The following POLR2M variants were observed in gnomAD, a reference collection of about 807,000 sequenced individuals.
The protein encoded by POLR2M is RNA polymerase II subunit M.
In POLR2M, 30 loss-of-function variants were observed where a neutral mutation model predicts 34.6. The ratio of observed to expected loss-of-function variants is 0.87; its 90% confidence interval spans 0.65 to 1.18. POLR2M has a LOEUF of 1.18. POLR2M is among the 50% of genes most tolerant of loss of function. The pLI is 0.00. For synonymous variants in POLR2M, 150 were observed against 166.7 expected (o/e 0.90, Z 0.77); for missense variants, 432 against 448.7 (o/e 0.96, Z 0.34).
intron 1 of POLR2M, among the ~76,000 whole-genome samples, chr15:57,708,338 AAGT>A (rs2040574718): frequency 6.6e-6 from 1 of 152,180 alleles, no homozygotes; most frequent in Non-Finnish European, 1.5e-5. Flanking sequence ...ATTATTATGA[AAGT>A]AGTTTTGACC....
chr15:57,709,149 T>C lies in POLR2M; in HGVS notation c.549T>C (p.Asp183=). The C allele has an allele frequency of 6.2e-7, 1 of 1,614,206 alleles. No homozygotes were observed. Among genetic ancestry groups the C allele is most frequent in the South Asian group, 1.1e-5 (1 of 91,086 alleles). Residue 183 remains aspartate (D), a synonymous_variant, in exon 2 of 4, where the codon GAT becomes GAC. Transcript: ENST00000299638. The part of the protein sequence containing the change: ...PRHRVSSQAE[D]TSSSFDNLFI... ...ATCGTGTTTCAAGTCAAGCGGAAGA[T>C]ACTTCCAGCAGCTTTGACAACCTGT...
chr15:57,713,820 C>CCTTTTT (rs2040833536), intron 3 of POLR2M, among the ~76,000 whole-genome samples: 2 of 65,568 alleles, frequency 3.1e-5, no homozygotes, highest in African/African-American at 1.2e-4. Context: ...ATTAGTCCTT[C>CCTTTTT]TTTTTTTTTT....
chr15:57,707,817 A>G (rs980658574), intron 1 of POLR2M, among the ~76,000 whole-genome samples: 2 of 152,248 alleles, frequency 1.3e-5, no homozygotes, highest in Non-Finnish European at 2.9e-5. Context: ...ATGAGGCTCA[A>G]GAAAGAGAGA....
rs1462024448 is a variant in POLR2M at position 57,715,030 on chromosome 15, C to T, written c.*351C>T. The T allele has an allele frequency of 5.1e-6, 1 of 197,402 alleles. No homozygotes were observed. Among genetic ancestry groups the T allele is most frequent in the Non-Finnish European group, 1.0e-5 (1 of 98,444 alleles). 12.2% of individuals were successfully genotyped at this position (197,402 alleles called of 1,614,324 possible). ...CTTACCTATCAAATAGCATTTATTACATGTCTTTCAGTGAAATACTTAGTT... is the reference window on the plus strand; with the variant it reads ...CTTACCTATCAAATAGCATTTATTATATGTCTTTCAGTGAAATACTTAGTT... On this transcript the variant is annotated 3_prime_UTR_variant, in exon 4 of 4. Transcript: ENST00000299638.
At chr15:57,707,321 C>G in intron 1 of POLR2M, 1 of 732,050 alleles carries the variant, frequency 1.4e-6, no homozygotes, top group Non-Finnish European at 2.3e-6. Flanking sequence ...TCTCTGGATT[C>G]TAAGCTTACA....
chr15:57,709,051 A>T lies in POLR2M; in HGVS notation c.451A>T (p.Asn151Tyr). Residue 151 changes from asparagine to tyrosine, a missense_variant, in exon 2 of 4, where the codon AAT (asparagine) becomes TAT (tyrosine). By Grantham distance (143) the Asn-to-Tyr change is moderately radical (BLOSUM62 -2). Transcript: ENST00000299638. ...GACTTCAGAGGTTGAGTACACAGTGAATAAGGGCCCAGCTTCCAGCAATAG... is the reference window on the plus strand; with the variant it reads ...GACTTCAGAGGTTGAGTACACAGTGTATAAGGGCCCAGCTTCCAGCAATAG... Reference protein sequence around the residue: ...EETSEVEYTVNKGPASSNRDR... With the variant: ...EETSEVEYTVYKGPASSNRDR... 2 of 1,614,108 alleles carry T rather than the reference A, an allele frequency of 1.2e-6. No individual in the cohort carries two copies. Among genetic ancestry groups the T allele is most frequent in the East Asian group, 4.5e-5 (2 of 44,886 alleles).
Position 57,709,281 on chromosome 15 carries a change from G to T in POLR2M, c.681G>T (p.Lys227Asn). The change falls in exon 2 of 4, where the codon AAG (lysine) becomes AAT (asparagine). Residue 227 changes from lysine (K) to asparagine (N), a missense_variant. Transcript: ENST00000299638. ...NLTGLSSGTE[K>N]KPHYMEVLEM... ...CAGGCCTTTCCAGTGGGACTGAGAA[G>T]AAACCTCATTACATGGAAGTGCTAG... is the stretch of plus-strand genomic sequence containing the variant. The T allele has an allele frequency of 6.2e-7, 1 of 1,614,228 alleles. No homozygotes were observed. The highest frequency in any genetic ancestry group is 8.5e-7 in the Non-Finnish European group (1 of 1,180,042).
Position 57,706,893 on chromosome 15 carries a change from G to T in POLR2M, c.51G>T (p.Ala17=), listed in dbSNP as rs757080201. The change falls in exon 1 of 4, where the codon GCG becomes GCT. Residue 17 remains alanine (A), a synonymous_variant. Coordinates refer to ENST00000299638, the MANE Select transcript of POLR2M (RefSeq NM_015532.5). ...AGCCCCAAGCTCCCGAGGACTTGGC[G>T]CAGCGGAGTTTGGTGGAGCTGCGGG... ...GFEPQAPEDL[A]QRSLVELREM... is the part of the protein sequence containing the mutation. 7 of 1,600,044 alleles carry T rather than the reference G, an allele frequency of 4.4e-6. No individual in the cohort carries two copies. The Admixed American group carries it at 1.0e-4, about 23-fold the overall frequency.
intron 2 of POLR2M, among the ~76,000 whole-genome samples, chr15:57,711,538 G>A (rs559054004): frequency 6.6e-6 from 1 of 152,290 alleles, no homozygotes; most frequent in East Asian, 1.9e-4. Flanking sequence ...TGGGTAAGCA[G>A]TTATTATTCC....
In POLR2M at chr15:57,714,746, A is replaced by G; in HGVS notation, c.*67A>G. On this transcript the variant is annotated 3_prime_UTR_variant, in exon 4 of 4. Transcript: ENST00000299638. ...TACATCAGACTTTCTAACTAGTATC[A>G]AGATCAGTGTCAGATATTGTTGAGG... The G allele has an allele frequency of 6.4e-7, 1 of 1,572,822 alleles. No individual in the cohort carries two copies. The highest frequency in any genetic ancestry group is 8.6e-7 in the Non-Finnish European group (1 of 1,158,912).
rs1192614782 is a variant in POLR2M at position 57,708,814 on chromosome 15, A to G, written c.214A>G (p.Ser72Gly). Residue 72 changes from serine to glycine, a missense_variant, in exon 2 of 4, where the codon AGT (serine) becomes GGT (glycine). Coordinates refer to ENST00000299638, the MANE Select transcript of POLR2M (RefSeq NM_015532.5). Reference protein sequence around the residue: ...IAECEEVRRKSELFNPVSLDC... With the variant: ...IAECEEVRRKGELFNPVSLDC... ...AGAATGTGAAGAAGTTAGAAGAAAA[A>G]GTGAACTGTTTAACCCTGTTAGTTT... The G allele has an allele frequency of 3.1e-6, 5 of 1,613,690 alleles. No homozygotes were observed. The African/African-American group carries it at 5.3e-5, about 17-fold the overall frequency.
intron 2 of POLR2M, among the ~76,000 whole-genome samples, chr15:57,710,698 G>A (rs1171952724): frequency 6.6e-6 from 1 of 152,156 alleles, no homozygotes; most frequent in East Asian, 1.9e-4. Context: ...AGCTGGGAGT[G>A]GGAGAGAGGT....
rs539340170 is a variant in POLR2M, at chr15:57,712,998, C to T, written c.963+810C>T. Among the ~76,000 whole-genome samples, 10 of 152,132 alleles carry T rather than the reference C, an allele frequency of 6.6e-5. No homozygotes were observed. In the South Asian group the frequency reaches 1.9e-3, roughly 28 times the overall value. ...TATAACACCAGACTGTTCAGGAGTT[C>T]GAGACCAGCGTGGGCAACATAGCTA... On this transcript the variant is annotated intron_variant, in intron 3 of 3. Transcript: ENST00000299638.
chr15:57,711,090 C>T (rs879670696), intron 2 of POLR2M, among the ~76,000 whole-genome samples: 2 of 152,142 alleles, frequency 1.3e-5, no homozygotes, highest in Admixed American at 6.5e-5. Context: ...AGTGGAACTG[C>T]AGTTTCTTTC....
chr15:57,708,850 C>G lies in POLR2M; in HGVS notation c.250C>G (p.Leu84Val). The change falls in exon 2 of 4, where the codon CTA becomes GTA. Residue 84 changes from leucine to valine, a missense_variant. By Grantham distance (32) the Leu-to-Val change is conservative. Coordinates refer to ENST00000299638, the MANE Select transcript of POLR2M (RefSeq NM_015532.5). ...LFNPVSLDCK[L>V]RQKAIAEVDV... ...TAACCCTGTTAGTTTAGACTGTAAG[C>G]TAAGGCAAAAAGCAATTGCAGAAGT... is the stretch of plus-strand genomic sequence containing the variant. The G allele has an allele frequency of 6.2e-7, 1 of 1,613,968 alleles. No individual in the cohort carries two copies. The highest frequency in any genetic ancestry group is 8.5e-7 in the Non-Finnish European group (1 of 1,179,872).
chr15:57,708,362 A>G (rs1287951215), intron 1 of POLR2M, among the ~76,000 whole-genome samples: 1 of 152,188 alleles, frequency 6.6e-6, no homozygotes, highest in African/African-American at 2.4e-5. Flanking sequence ...TAATAGGCCC[A>G]TCCCCACACT....
chr15:57,716,986 C>G lies in POLR2M; in HGVS notation c.*2307C>G, dbSNP rs1235801295. 3 of 152,086 alleles carry G rather than the reference C, an allele frequency of 2.0e-5. No homozygotes were observed. The highest frequency in any genetic ancestry group is 1.3e-4 in the Admixed American group (2 of 15,282). The allele number at this position is 152,086 out of a possible 1,614,324, so 9.4% of individuals were successfully genotyped here. On this transcript the variant is annotated 3_prime_UTR_variant, in exon 4 of 4. Transcript: ENST00000299638. ...TTTATATACATTAACTAAATCAGTA[C>G]AAGTTTGGGGTGAAAAGGAAATTTT...
chr15:57,714,805 A>G lies in POLR2M; in HGVS notation c.*126A>G. The G allele has an allele frequency of 6.9e-7, 1 of 1,456,632 alleles. No homozygotes were observed. The highest frequency in any genetic ancestry group is 9.2e-7 in the Non-Finnish European group (1 of 1,089,598). 90.2% of individuals were successfully genotyped at this position (1,456,632 alleles called of 1,614,324 possible). On this transcript the variant is annotated 3_prime_UTR_variant, in exon 4 of 4. Coordinates refer to ENST00000299638, the MANE Select transcript of POLR2M (RefSeq NM_015532.5). ...TTTATAAAGTTACACAAAGGTAGTT[A>G]TAAAAAAAGCCCAGTTTGTCTTTCA... is the stretch of plus-strand genomic sequence containing the variant.
chr15:57,707,815 CAAGA>C (rs2040553885), intron 1 of POLR2M, among the ~76,000 whole-genome samples: 1 of 152,098 alleles, frequency 6.6e-6, no homozygotes, highest in Admixed American at 6.5e-5. Flanking sequence ...TCATGAGGCT[CAAGA>C]AAGAGAGAAC....
Sources: allele counts gnomAD v4.1 joint callset (sites outside exome capture counted in the v4.1 genomes callset), GRCh38; gene constraint gnomAD v4.1.1; transcripts MANE v1.5; gene names NCBI Gene and HGNC (gene_info 2026-07-23, HGNC 2026-07-21).